The following ARHGAP21 variants were observed in gnomAD, a reference collection of about 807,000 sequenced individuals.
ARHGAP21 encodes the protein Rho GTPase activating protein 21, also known as rho GTPase-activating protein 21.
ARHGAP21 carries 38 observed loss-of-function variants against 164.6 expected under a neutral mutation model. The ratio of observed to expected loss-of-function variants is 0.23; its 90% CI spans 0.18 to 0.30. ARHGAP21 has a LOEUF of 0.30. Among genes scored for constraint, ARHGAP21 ranks in the 10% least tolerant of loss-of-function variants. The probability of loss-of-function intolerance (pLI) is 1.00; values close to 1 mark genes in which losing one functional copy is unlikely to be tolerated. For synonymous variants in ARHGAP21, 766 were observed against 857.9 expected, an observed-to-expected ratio of 0.89 and a Z score of 1.87; for missense variants, 1,822 against 2,370.7, an observed-to-expected ratio of 0.77 and a Z score of 4.81.
intron 9 of ARHGAP21, among the ~76,000 whole-genome samples, chr10:24,614,398 T>A (rs2077389162): frequency 6.6e-6 from 1 of 152,192 alleles, no homozygotes; most frequent in Admixed American, 6.5e-5. Flanking sequence ...ACCAGGCATT[T>A]GTTAGGGGGC....
At chr10:24,714,743 A>C (rs958855720) in intron 2 of ARHGAP21, among the ~76,000 whole-genome samples, 2 of 152,154 alleles carry the variant, frequency 1.3e-5, no homozygotes, top group African/African-American at 4.8e-5. Context: ...CTTTTTAAAA[A>C]TTGTTTTTTG....
chr10:24,645,120 C>T (rs1837429799), intron 4 of ARHGAP21, among the ~76,000 whole-genome samples: 1 of 152,174 alleles, frequency 6.6e-6, no homozygotes, highest in Admixed American at 6.5e-5. Flanking sequence ...ACACACACTC[C>T]ATCCTAAAAT....
At chr10:24,641,775 C>G (rs370531222) in intron 4 of ARHGAP21, among the ~76,000 whole-genome samples, 4 of 152,150 alleles carry the variant, frequency 2.6e-5, no homozygotes, top group African/African-American at 9.6e-5. Flanking sequence ...GCGGGTGGAT[C>G]ACGAGGTCAG....
chr10:24,680,868 A>G (rs1192149602), intron 2 of ARHGAP21, among the ~76,000 whole-genome samples: 1 of 152,168 alleles, frequency 6.6e-6, no homozygotes, highest in Non-Finnish European at 1.5e-5. Context: ...GTGAGTGCCA[A>G]TTCATGTATC....
At chr10:24,678,106 G>GAA (rs199751997) in intron 2 of ARHGAP21, among the ~76,000 whole-genome samples, 14 of 142,388 alleles carry the variant, frequency 9.8e-5, no homozygotes, top group African/African-American at 3.6e-4. Flanking sequence ...CCACAAAAAG[G>GAA]AAAAAAAAAA....
At chr10:24,624,885 T>C (rs962619067) in intron 7 of ARHGAP21, among the ~76,000 whole-genome samples, 1 of 152,076 alleles carries the variant, frequency 6.6e-6, no homozygotes, top group African/African-American at 2.4e-5. Flanking sequence ...TTAGCCATTT[T>C]TTCCACTCAG....
At chr10:24,666,018 G>A (rs532962041) in intron 4 of ARHGAP21, among the ~76,000 whole-genome samples, 1 of 152,168 alleles carries the variant, frequency 6.6e-6, no homozygotes, top group African/African-American at 2.4e-5. Context: ...CCATGGTATT[G>A]TAAGTTTGTT....
chr10:24,682,578 T>C (rs1480895945), intron 2 of ARHGAP21, among the ~76,000 whole-genome samples: 2 of 152,308 alleles, frequency 1.3e-5, no homozygotes, highest in African/African-American at 4.8e-5. Context: ...ACTAAAGGGT[T>C]GTTTAAATTC....
At chr10:24,681,447 T>C (rs902334946) in intron 2 of ARHGAP21, among the ~76,000 whole-genome samples, 1 of 152,180 alleles carries the variant, frequency 6.6e-6, no homozygotes, top group Non-Finnish European at 1.5e-5. Context: ...ATAAACAATA[T>C]ATAAGTCCTA....
chr10:24,597,039 AACTTTT>A (rs1049541997), intron 16 of ARHGAP21, among the ~76,000 whole-genome samples, 157 bp from the exon 17 acceptor site: 2 of 151,872 alleles, frequency 1.3e-5, no homozygotes, highest in African/African-American at 4.8e-5. Flanking sequence ...TCTTCCATAT[AACTTTT>A]ACTTCATTCT....
intron 4 of ARHGAP21, among the ~76,000 whole-genome samples, chr10:24,665,856 G>A (rs774276338): frequency 6.6e-6 from 1 of 152,116 alleles, no homozygotes; most frequent in Non-Finnish European, 1.5e-5. Context: ...TAAAATACAA[G>A]GAAAGACTAA....
chr10:24,654,338 T>A (rs1169544756), intron 4 of ARHGAP21, among the ~76,000 whole-genome samples: 1 of 151,886 alleles, frequency 6.6e-6, no homozygotes, highest in African/African-American at 2.4e-5. Context: ...GGTCAAATTG[T>A]CCCTGTTTGC....
rs555279670 is a variant in ARHGAP21, at chr10:24,596,300, T to C, written c.3478-257A>G. 6.8e-6 allele frequency: 3 copies of C among 442,300 alleles called. No homozygotes were observed. In the South Asian group the frequency reaches 1.5e-4, roughly 22 times the overall value. The allele number at this position is 442,300 out of a possible 1,614,324, so 27.4% of individuals were successfully genotyped here. On this transcript the variant is annotated intron_variant, in intron 17 of 25. Coordinates refer to ENST00000396432, the MANE Select transcript of ARHGAP21 (RefSeq NM_020824.4). The stretch of plus-strand genomic sequence containing the variant: ...ATTCTAAAAAGGAAGTAACAACAGG[T>C]AAAGAGAATGTGGAAACCGTTCCGC...
intron 2 of ARHGAP21, among the ~76,000 whole-genome samples, chr10:24,704,498 C>T (rs1273121213): frequency 2.0e-5 from 3 of 150,744 alleles, no homozygotes; most frequent in African/African-American, 7.3e-5. Context: ...CAGAGTCTCG[C>T]TCCACTGCCA....
intron 7 of ARHGAP21, among the ~76,000 whole-genome samples, chr10:24,627,450 T>G (rs930092862): frequency 9.2e-6 from 1 of 108,264 alleles, no homozygotes; most frequent in Non-Finnish European, 2.1e-5. Flanking sequence ...TTACACTACA[T>G]TCAAATGTGA....
At position 24,667,003 on chromosome 10, in the gene ARHGAP21, C is replaced by A; in HGVS notation, c.250G>T (p.Glu84Ter). 1 of 1,412,834 alleles carries A rather than the reference C, an allele frequency of 7.1e-7. No homozygotes were observed. The highest frequency in any genetic ancestry group is 1.2e-5 in the South Asian group (1 of 80,672). 87.5% of individuals were successfully genotyped at this position (1,412,834 alleles called of 1,614,324 possible). A position where few individuals can be genotyped will look rare whatever the true frequency, so the allele number is the denominator to read the frequency against. ...AGCATACCTCCTCTGTTTCCATTTT[C>A]TTCATCCTACAAATGAAAATATATA... ...SAIQFSYKDE[E>*]NGNRGGKQRN... The change falls in exon 4 of 26, where the codon GAA becomes TAA. Residue 84 changes from glutamate to a stop codon, truncating the protein, a stop_gained. Transcript: ENST00000396432. LOFTEE classifies it high-confidence loss of function.
intron 2 of ARHGAP21, among the ~76,000 whole-genome samples, chr10:24,681,847 C>T (rs189985914): frequency 6.6e-5 from 10 of 152,120 alleles, no homozygotes; most frequent in South Asian, 2.1e-4. Context: ...TATGGTATGA[C>T]CGTCACCTGG....
At chr10:24,634,462 A>C (rs1177553375) in intron 5 of ARHGAP21, among the ~76,000 whole-genome samples, 2 of 152,234 alleles carry the variant, frequency 1.3e-5, no homozygotes, top group Non-Finnish European at 2.9e-5. Flanking sequence ...ATCTCTACTT[A>C]GGGTTTATTA....
chr10:24,713,262 T>A (rs1348061790), intron 2 of ARHGAP21, among the ~76,000 whole-genome samples: 1 of 152,212 alleles, frequency 6.6e-6, no homozygotes. Flanking sequence ...CAGTGCTGCA[T>A]ACATAGCACT....
Sources: allele counts gnomAD v4.1 joint callset (sites outside exome capture counted in the v4.1 genomes callset), GRCh38; gene constraint gnomAD v4.1.1; transcripts MANE v1.5; gene names NCBI Gene and HGNC (gene_info 2026-07-23, HGNC 2026-07-21).